TBC1D14: variants seen among roughly 807,000 people sequenced by gnomAD.
The protein encoded by TBC1D14 is TBC1 domain family member 14.
A neutral mutation model predicts 79.0 loss-of-function variants in TBC1D14; 26 were observed. That is an observed-to-expected ratio of 0.33 (90% CI 0.24 to 0.46). TBC1D14 has a LOEUF of 0.46. Among genes scored for constraint, TBC1D14 ranks in the 20% least tolerant of loss-of-function variants. TBC1D14 has a pLI of 1.00. For missense variants in TBC1D14, 769 were observed against 887.6 expected, an observed-to-expected ratio of 0.87 and a Z score of 1.70; for synonymous variants, 394 against 349.9, an observed-to-expected ratio of 1.13 and a Z score of -1.40.
chr4:6,988,795 T>C (rs563667341), intron 3 of TBC1D14, among the ~76,000 whole-genome samples: 1 of 152,310 alleles, frequency 6.6e-6, no homozygotes, highest in Non-Finnish European at 1.5e-5. Context: ...ATTGGCTGTT[T>C]TGTAGTGTTC....
chr4:6,989,625 G>A (rs115510281), intron 3 of TBC1D14, among the ~76,000 whole-genome samples: 2 of 152,256 alleles, frequency 1.3e-5, no homozygotes, highest in South Asian at 4.1e-4. Context: ...TGCCCCTGTC[G>A]AGTGAGCCCT....
chr4:7,030,442 G>A lies in TBC1D14; in HGVS notation c.*50G>A, dbSNP rs2108765815. The stretch of plus-strand genomic sequence containing the variant: ...GCACCAATCAGAGCCCCATGCCGCG[G>A]CCCCTCTGTTGTTTCAGACTGACAC... On this transcript the variant is annotated 3_prime_UTR_variant, in exon 14 of 14. Transcript: ENST00000409757. 3 of 1,597,334 alleles carry A rather than the reference G, an allele frequency of 1.9e-6. No individual in the cohort carries two copies. The highest frequency in any genetic ancestry group is 2.2e-5 in the South Asian group (2 of 90,692).
chr4:6,987,317 C>T (rs1434913521), intron 3 of TBC1D14: 12 of 1,400,390 alleles, frequency 8.6e-6, no homozygotes, highest in Non-Finnish European at 1.0e-5. Flanking sequence ...ATGGAGCCTC[C>T]GGCCGCGCGC....
intron 2 of TBC1D14, among the ~76,000 whole-genome samples, chr4:6,945,607 G>T (rs574879334): frequency 2.0e-5 from 3 of 152,064 alleles, no homozygotes; most frequent in African/African-American, 7.2e-5. Context: ...AATTAGCCGA[G>T]CGTGGTGGCA....
chr4:7,028,955 A>C (rs138807291), intron 13 of TBC1D14, among the ~76,000 whole-genome samples: 1,807 of 151,954 alleles, frequency 0.012, 16 homozygotes, highest in Middle Eastern at 0.037. Context: ...CTTCCACCTC[A>C]ATCTCCCAAG....
At chr4:6,924,548 A>G (rs116020531) in intron 2 of TBC1D14, among the ~76,000 whole-genome samples, 2,846 of 152,244 alleles carry the variant, frequency 0.019, 105 homozygotes, top group African/African-American at 0.063. Context: ...CGGGTGTTCC[A>G]GCCGTGTCCC....
Position 7,006,802 on chromosome 4 carries a change from G to A in TBC1D14, c.1446+76G>A, listed in dbSNP as rs868314562. 7.0e-6 allele frequency: 10 copies of A among 1,433,964 alleles called. 1 individual carries two copies. The Middle Eastern group carries it at 1.8e-3, about 255-fold the overall frequency. 88.8% of individuals were successfully genotyped at this position (1,433,964 alleles called of 1,614,324 possible). On this transcript the variant is annotated intron_variant, in intron 9 of 13. Transcript: ENST00000409757. ...AGATGCTGAACTGTGTATATTTGTT[G>A]TCAAGTTTGAAAGGTACTTGGGTTT...
At chr4:6,934,703 A>G (rs553240023) in intron 2 of TBC1D14, among the ~76,000 whole-genome samples, 11 of 152,208 alleles carry the variant, frequency 7.2e-5, no homozygotes, top group African/African-American at 2.2e-4. Flanking sequence ...CTGTTTAGCA[A>G]TGAGGAGGCC....
At chr4:6,918,166 T>C (rs758464880) in intron 1 of TBC1D14, among the ~76,000 whole-genome samples, 44 of 152,194 alleles carry the variant, frequency 2.9e-4, no homozygotes, top group Non-Finnish European at 5.1e-4. Flanking sequence ...GGCTTTGGGC[T>C]CTGCCAGACC....
At chr4:6,951,595 A>C (rs1259323313) in intron 2 of TBC1D14, among the ~76,000 whole-genome samples, 4 of 152,226 alleles carry the variant, frequency 2.6e-5, no homozygotes, top group Non-Finnish European at 5.9e-5. Flanking sequence ...CCTCCCTCAC[A>C]GACTTTGTCA....
intron 2 of TBC1D14, among the ~76,000 whole-genome samples, chr4:6,931,261 G>T (rs1711692375): frequency 6.6e-6 from 1 of 152,214 alleles, no homozygotes; most frequent in Admixed American, 6.5e-5. Context: ...TTCCCTGGTT[G>T]TGTGTTTTTG....
chr4:6,994,776 C>A (rs893872487), intron 4 of TBC1D14, among the ~76,000 whole-genome samples: 1 of 151,420 alleles, frequency 6.6e-6, no homozygotes, highest in Non-Finnish European at 1.5e-5. Flanking sequence ...AGGAGAATCA[C>A]TTGAACCTGG....
At position 7,030,360 on chromosome 4, in the gene TBC1D14, A is replaced by G. The variant is rs1043431879; in HGVS notation, c.2050A>G (p.Met684Val). The G allele has an allele frequency of 1.9e-6, 3 of 1,614,076 alleles. No individual in the cohort carries two copies. The South Asian group carries it at 3.3e-5, about 18-fold the overall frequency. ...LTALQKDSRE[M>V]EKGSPSLRH ...TGCATTGCAGAAAGACAGCCGGGAA[A>G]TGGAGAAGGGAAGTCCGTCCCTCCG... The change falls in exon 14 of 14, where the codon ATG (methionine) becomes GTG (valine). Residue 684 changes from methionine (M) to valine (V), a missense_variant. Physicochemically the swap from Met to Val is conservative, Grantham distance 21. Transcript: ENST00000409757.
intron 3 of TBC1D14, among the ~76,000 whole-genome samples, chr4:6,988,885 C>CTTTTTTTTTTTTTTTTTTTTTTTTTT (rs34268749): frequency 3.9e-5 from 3 of 76,808 alleles, no homozygotes; most frequent in East Asian, 3.9e-4. Context: ...TTCTTTCTTT[C>CTTTTTTTTTTTTTTTTTTTTTTTTTT]TTTTTTTTTT....
intron 12 of TBC1D14, among the ~76,000 whole-genome samples, chr4:7,020,127 C>G (rs1441264494): frequency 6.9e-6 from 1 of 143,900 alleles, no homozygotes; most frequent in Admixed American, 6.9e-5. Flanking sequence ...ATGTGAACTC[C>G]TCTGGCCTTA....
intron 2 of TBC1D14, among the ~76,000 whole-genome samples, chr4:6,941,130 T>G (rs6446553): frequency 0.45 from 67,495 of 150,548 alleles, 15,918 homozygotes; most frequent in African/African-American, 0.59. Flanking sequence ...TGATGGTCCA[T>G]TTCCTTCTGT....
In TBC1D14 at chr4:6,958,914, C is replaced by T. The variant is rs1192324316; in HGVS notation, c.723-8390C>T. 3.4e-5 allele frequency among the ~76,000 whole-genome samples: 5 copies of T among 149,176 alleles called. No homozygotes were observed. The East Asian group carries it at 6.0e-4, about 18-fold the overall frequency. ...ATTTTTTTTTTTTGAGACGGAGTCT[C>T]GCTCTGTCGCCCAGGCTGGAGTGCA... is the stretch of plus-strand genomic sequence containing the variant. On this transcript the variant is annotated intron_variant, in intron 2 of 13. Coordinates refer to ENST00000409757, the MANE Select transcript of TBC1D14 (RefSeq NM_020773.3).
chr4:6,975,384 A>AT (rs1273914866), intron 3 of TBC1D14, among the ~76,000 whole-genome samples: 1 of 151,424 alleles, frequency 6.6e-6, no homozygotes, highest in Admixed American at 6.6e-5. Flanking sequence ...AATTTTGTAT[A>AT]TTTTTTGTAG....
At chr4:6,948,717 T>TC (rs1713726569) in intron 2 of TBC1D14, among the ~76,000 whole-genome samples, 1 of 150,940 alleles carries the variant, frequency 6.6e-6, no homozygotes, top group Admixed American at 6.6e-5. Flanking sequence ...GTTTTTTTTT[T>TC]TTTTTTGAGA....
Sources: gnomAD v4.1 joint callset for allele counts (sites outside exome capture counted in the v4.1 genomes callset) on GRCh38, gnomAD v4.1.1 for gene constraint, MANE v1.5 for transcripts, NCBI Gene and HGNC (gene_info 2026-07-23, HGNC 2026-07-21) for gene names.